The following ZDHHC21 variants were observed in gnomAD, a reference collection of about 807,000 sequenced individuals.
The protein encoded by ZDHHC21 is palmitoyltransferase ZDHHC21.
Under a neutral mutation model 34.6 loss-of-function variants are expected in ZDHHC21, and 15 were observed. The observed-to-expected ratio is 0.43, with a 90% CI of 0.29 to 0.67. The LOEUF (loss-of-function observed/expected upper bound fraction) is 0.67, where lower values mean the gene tolerates loss of function less well. Ranked by LOEUF, ZDHHC21 falls within the 30% of genes least tolerant of loss-of-function variation. The pLI is 0.14. For synonymous variants in ZDHHC21, 142 were observed against 101.8 expected, an observed-to-expected ratio of 1.40 and a Z score of -2.38; for missense variants, 344 against 327.7, an observed-to-expected ratio of 1.05 and a Z score of -0.38.
intron 8 of ZDHHC21, among the ~76,000 whole-genome samples, chr9:14,632,063 A>AC (rs1491334223): frequency 0.28 from 34,024 of 120,528 alleles, 3,997 homozygotes; most frequent in South Asian, 0.46. Context: ...AAACACACAC[A>AC]AACACACACA....
the ZDHHC21 span, among the ~76,000 whole-genome samples, chr9:14,596,047 A>G: frequency 6.6e-6 from 1 of 152,222 alleles, no homozygotes; most frequent in Non-Finnish European, 1.5e-5. Context: ...CCTACCATTC[A>G]ACCCAGTAAT....
chr9:14,686,259 G>A (rs546536504), intron 2 of ZDHHC21, among the ~76,000 whole-genome samples: 40 of 150,406 alleles, frequency 2.7e-4, no homozygotes, highest in African/African-American at 9.5e-4. Flanking sequence ...AAAGAGAAGG[G>A]GCAGATCTGG....
At chr9:14,667,401 A>G (rs1483589918) in intron 5 of ZDHHC21, among the ~76,000 whole-genome samples, 1 of 152,096 alleles carries the variant, frequency 6.6e-6, no homozygotes, top group Admixed American at 6.5e-5. Context: ...ATGGATTCAC[A>G]GCCAAATTCT....
intron 7 of ZDHHC21, among the ~76,000 whole-genome samples, chr9:14,648,076 T>C (rs778395385): frequency 3.7e-4 from 56 of 152,120 alleles, no homozygotes; most frequent in Admixed American, 3.2e-3. Flanking sequence ...GTAACTGGTA[T>C]CTCCATTCTT....
At chr9:14,671,439 T>A (rs1191101668) in intron 5 of ZDHHC21, among the ~76,000 whole-genome samples, 1 of 152,072 alleles carries the variant, frequency 6.6e-6, no homozygotes, top group East Asian at 1.9e-4. Context: ...GTTGTCAATG[T>A]AGGAAATAAA....
At chr9:14,638,818 A>G (rs945182089) in intron 8 of ZDHHC21, among the ~76,000 whole-genome samples, 12 of 152,186 alleles carry the variant, frequency 7.9e-5, no homozygotes, top group Non-Finnish European at 2.9e-5. Context: ...ATAACATATC[A>G]TCTTAGAACG....
At chr9:14,656,286 C>T (rs568264079) in intron 7 of ZDHHC21, among the ~76,000 whole-genome samples, 1 of 151,892 alleles carries the variant, frequency 6.6e-6, no homozygotes, top group African/African-American at 2.4e-5. Flanking sequence ...TAGAATTTAG[C>T]TTTACTCTAT....
intron 9 of ZDHHC21, among the ~76,000 whole-genome samples, 183 bp from the exon 10 acceptor site, chr9:14,619,281 T>TG (rs1824834751): frequency 6.6e-6 from 1 of 152,150 alleles, no homozygotes; most frequent in Non-Finnish European, 1.5e-5. Context: ...TAGCAGATAT[T>TG]GTATCTGTGT....
At chr9:14,658,410 CAT>C (rs147818138) in intron 7 of ZDHHC21, among the ~76,000 whole-genome samples, 5,779 of 142,806 alleles carry the variant, frequency 0.04, 372 homozygotes, top group African/African-American at 0.14. Flanking sequence ...AAAGGAACCA[CAT>C]GTTAATAATT....
the ZDHHC21 span, chr9:14,589,642 G>A: frequency 5.3e-5 from 8 of 152,150 alleles, no homozygotes; most frequent in African/African-American, 1.7e-4. Flanking sequence ...AAATTACTGC[G>A]AAATTGGGAG....
chr9:14,640,136 C>A (rs974363643), intron 7 of ZDHHC21, 124 bp from the exon 8 acceptor site: 6 of 522,024 alleles, frequency 1.1e-5, no homozygotes, highest in Non-Finnish European at 2.1e-5. Context: ...CTACCTCTCC[C>A]TCTTTTATAC....
intron 1 of ZDHHC21, among the ~76,000 whole-genome samples, chr9:14,692,987 G>T (rs1240898293): frequency 6.6e-6 from 1 of 151,984 alleles, no homozygotes. Context: ...TTAGCAAGGG[G>T]CTGTAGCTCT....
chr9:14,604,916 T>C, the ZDHHC21 span, among the ~76,000 whole-genome samples: 1 of 152,172 alleles, frequency 6.6e-6, no homozygotes, highest in Non-Finnish European at 1.5e-5. Context: ...ACTGTTTCTA[T>C]AAGTTTGACT....
chr9:14,594,624 G>T, the ZDHHC21 span, among the ~76,000 whole-genome samples: 5 of 152,194 alleles, frequency 3.3e-5, no homozygotes, highest in Non-Finnish European at 4.4e-5. Context: ...ATAAAAACCT[G>T]CATGACCTTG....
intron 8 of ZDHHC21, among the ~76,000 whole-genome samples, chr9:14,632,049 G>C (rs1446729109): frequency 7.4e-6 from 1 of 134,322 alleles, no homozygotes; most frequent in South Asian, 2.5e-4. Flanking sequence ...CCTTCAACTA[G>C]TTAAAACACA....
At position 14,614,902 on chromosome 9, in the gene ZDHHC21, C is replaced by G. The variant is rs539958246; in HGVS notation, c.*4064G>C. On this transcript the variant is annotated 3_prime_UTR_variant, in exon 10 of 10. Transcript: ENST00000380916. The stretch of plus-strand genomic sequence containing the variant: ...TATCTATGTATATTAGAGGTCATGT[C>G]AGAAACTTATTCAATAAAGTAACTA... 2.0e-5 allele frequency: 3 copies of G among 151,688 alleles called. No homozygotes were observed. The highest frequency in any genetic ancestry group is 7.2e-5 in the African/African-American group (3 of 41,508). 9.4% of individuals were successfully genotyped at this position (151,688 alleles called of 1,614,324 possible).
chr9:14,659,656 A>G (rs1832984033), intron 6 of ZDHHC21, among the ~76,000 whole-genome samples: 1 of 152,246 alleles, frequency 6.6e-6, no homozygotes, highest in Admixed American at 6.5e-5. Flanking sequence ...ATAGTATTAT[A>G]CTGTCACTGA....
At chr9:14,606,368 G>A (rs1823015115), downstream of ZDHHC21, among the ~76,000 whole-genome samples, 1 of 152,176 alleles carries the variant, frequency 6.6e-6, no homozygotes, top group Non-Finnish European at 1.5e-5. Context: ...CAGCCATCAT[G>A]CTGTAAGTAA....
chr9:14,625,820 T>C (rs12237470), intron 8 of ZDHHC21, among the ~76,000 whole-genome samples: 16,180 of 151,962 alleles, frequency 0.11, 1,230 homozygotes, highest in East Asian at 0.32. Context: ...TATAATCCAG[T>C]TGAAAAAACA....
Sources: gnomAD v4.1 joint callset for allele counts (sites outside exome capture counted in the v4.1 genomes callset) on GRCh38, gnomAD v4.1.1 for gene constraint, MANE v1.5 for transcripts, NCBI Gene and HGNC (gene_info 2026-07-23, HGNC 2026-07-21) for gene names.